Variants in GABBR2 observed in about 807,000 individuals in gnomAD.
GABBR2 encodes gamma-aminobutyric acid type B receptor subunit 2.
A neutral mutation model predicts 105.6 loss-of-function variants in GABBR2; 23 were observed. That is an observed-to-expected ratio of 0.22 (90% CI 0.16 to 0.31). The LOEUF (loss-of-function observed/expected upper bound fraction) is 0.31, where lower values mean the gene tolerates loss of function less well. GABBR2 is among the 10% of genes least tolerant of loss of function. The probability of loss-of-function intolerance (pLI) is 1.00; values close to 1 mark genes in which losing one functional copy is unlikely to be tolerated. For synonymous variants in GABBR2, 478 were observed against 499.7 expected (o/e 0.96, Z 0.58); for missense variants, 734 against 1,245.5 (o/e 0.59, Z 6.18).
chr9:98,495,078 A>T (rs1253709600), intron 4 of GABBR2, among the ~76,000 whole-genome samples: 1 of 152,192 alleles, frequency 6.6e-6, no homozygotes, highest in Non-Finnish European at 1.5e-5. Flanking sequence ...ACAGCCTGTG[A>T]CACTGCAGGG....
chr9:98,331,725 G>A (rs1459407939), intron 13 of GABBR2, among the ~76,000 whole-genome samples: 1 of 152,180 alleles, frequency 6.6e-6, no homozygotes, highest in African/African-American at 2.4e-5. Flanking sequence ...GACAGGCTGT[G>A]CTGAGCACCT....
rs1830698801 is a variant in GABBR2, at chr9:98,315,449, T to A, written c.1894-4244A>T. Among the ~76,000 whole-genome samples, 5 of 152,346 alleles carry A rather than the reference T, an allele frequency of 3.3e-5. No homozygotes were observed. In the South Asian group the frequency reaches 6.2e-4, roughly 19 times the overall value. ...GTTGGGATAGTTTTGGGAGTGATGATGTTCCTGTTCCTGTGAGGCTGGCAA... is the reference window on the plus strand; with the variant it reads ...GTTGGGATAGTTTTGGGAGTGATGAAGTTCCTGTTCCTGTGAGGCTGGCAA... On this transcript the variant is annotated intron_variant, in intron 13 of 18. Transcript: ENST00000259455.
chr9:98,501,373 C>T (rs1827397130), intron 3 of GABBR2, among the ~76,000 whole-genome samples: 1 of 152,170 alleles, frequency 6.6e-6, no homozygotes, highest in Admixed American at 6.5e-5. Flanking sequence ...CCATGTTGGC[C>T]AGGCTGGTTT....
At chr9:98,569,359 AT>A (rs1188669240) in intron 2 of GABBR2, among the ~76,000 whole-genome samples, 1 of 152,266 alleles carries the variant, frequency 6.6e-6, no homozygotes, top group East Asian at 1.9e-4. Context: ...AAGAGCCCCC[AT>A]TCCATCCCTG....
intron 4 of GABBR2, among the ~76,000 whole-genome samples, chr9:98,490,952 A>C (rs974919836): frequency 1.3e-4 from 20 of 151,818 alleles, no homozygotes; most frequent in African/African-American, 4.6e-4. Context: ...CATCTGCTAA[A>C]TCAGCCTTAT....
At chr9:98,666,339 T>A (rs1049749058) in intron 1 of GABBR2, among the ~76,000 whole-genome samples, 4 of 152,206 alleles carry the variant, frequency 2.6e-5, no homozygotes, top group Non-Finnish European at 5.9e-5. Flanking sequence ...GAGGTCGGAA[T>A]GGCTCCACTC....
chr9:98,430,595 C>T (rs1825789853), intron 7 of GABBR2, among the ~76,000 whole-genome samples: 1 of 152,170 alleles, frequency 6.6e-6, no homozygotes, highest in Non-Finnish European at 1.5e-5. Context: ...GGTTCTTTCC[C>T]TGGTCTCAAG....
chr9:98,593,799 C>T (rs1267651979), intron 1 of GABBR2, among the ~76,000 whole-genome samples: 4 of 152,172 alleles, frequency 2.6e-5, no homozygotes, highest in African/African-American at 9.7e-5. Context: ...ACCCCGTCAC[C>T]GTGGCCACAC....
chr9:98,390,375 C>CAAAAAAAAAAAAAAAA lies in GABBR2; in HGVS notation c.1379-1387_1379-1372dup, dbSNP rs61216428. ...GGTGACAGAGCAAGACTCCATCTCACAAAAAAAAAAAAAAAAAAAAAAAAA... is the reference window on the plus strand; with the variant it reads ...GGTGACAGAGCAAGACTCCATCTCACAAAAAAAAAAAAAAAAAAAAAAAAAAAAAAAAAAAAAAAAA... On this transcript the variant is annotated intron_variant, in intron 9 of 18. Coordinates refer to ENST00000259455, the MANE Select transcript of GABBR2 (RefSeq NM_005458.8). Among the ~76,000 whole-genome samples the CAAAAAAAAAAAAAAAA allele has an allele frequency of 1.0e-3, 34 of 32,430 alleles. 3 individuals carry two copies. The highest frequency in any genetic ancestry group is 2.9e-3 in the African/African-American group (29 of 9,942). The allele number at this position is 32,430 out of a possible 152,430, so 21.3% of individuals were successfully genotyped here. A position where few individuals can be genotyped will look rare whatever the true frequency, so the allele number is the denominator to read the frequency against.
intron 1 of GABBR2, among the ~76,000 whole-genome samples, chr9:98,673,058 G>C (rs1018919315): frequency 9.2e-5 from 14 of 152,144 alleles, no homozygotes; most frequent in Non-Finnish European, 1.3e-4. Flanking sequence ...AATGAAATAA[G>C]TGACCATAGC....
chr9:98,342,803 A>G (rs1323813909), intron 13 of GABBR2, among the ~76,000 whole-genome samples: 3 of 152,248 alleles, frequency 2.0e-5, no homozygotes, highest in Non-Finnish European at 4.4e-5. Context: ...TGGGTAGGGC[A>G]GACCCTGGTC....
At chr9:98,393,060 ATC>A (rs1564048327) in intron 9 of GABBR2, among the ~76,000 whole-genome samples, 1 of 144,094 alleles carries the variant, frequency 6.9e-6, no homozygotes, top group Non-Finnish European at 1.5e-5. Context: ...CCATCCATCC[ATC>A]CATCCATCCA....
At chr9:98,516,849 A>G (rs2779565) in intron 3 of GABBR2, among the ~76,000 whole-genome samples, 126,504 of 152,170 alleles carry the variant, frequency 0.83, 53,068 homozygotes, top group East Asian at 0.94. Flanking sequence ...ATGCATCTGC[A>G]TCTTCCCAGG....
rs540288985 is a variant in GABBR2, at chr9:98,590,069, T to A, written c.322-11997A>T. Among the ~76,000 whole-genome samples, 15 of 152,272 alleles carry A rather than the reference T, an allele frequency of 9.9e-5. No homozygotes were observed. The South Asian group carries it at 3.1e-3, about 32-fold the overall frequency. ...ATTCGCCTCTGTCCCCCTTTGCCTA[T>A]CAAAGAGTTTGGCCCCAAACAGGTG... On this transcript the variant is annotated intron_variant, in intron 1 of 18. Transcript: ENST00000259455.
intron 1 of GABBR2, among the ~76,000 whole-genome samples, chr9:98,631,096 T>C (rs886175366): frequency 1.3e-5 from 2 of 152,142 alleles, no homozygotes; most frequent in Non-Finnish European, 2.9e-5. Flanking sequence ...AAACTACCAG[T>C]GATACCCAAC....
intron 1 of GABBR2, among the ~76,000 whole-genome samples, chr9:98,622,462 G>A (rs747240217): frequency 1.3e-5 from 2 of 152,046 alleles, no homozygotes; most frequent in Non-Finnish European, 2.9e-5. Flanking sequence ...CTACCAAACA[G>A]AAACCCCCAG....
chr9:98,299,924 G>C (rs1830441892), intron 16 of GABBR2, among the ~76,000 whole-genome samples: 1 of 152,020 alleles, frequency 6.6e-6, no homozygotes, highest in African/African-American at 2.4e-5. Context: ...GTGCAGTGGT[G>C]CAATTATAGC....
intron 1 of GABBR2, among the ~76,000 whole-genome samples, chr9:98,596,663 A>T (rs988547334): frequency 3.3e-5 from 5 of 152,030 alleles, no homozygotes; most frequent in Non-Finnish European, 7.4e-5. Context: ...ATTTCTCACT[A>T]TTTTGGGCCA....
chr9:98,295,450 T>C (rs1830364894), intron 17 of GABBR2, among the ~76,000 whole-genome samples: 1 of 152,094 alleles, frequency 6.6e-6, no homozygotes, highest in African/African-American at 2.4e-5. Flanking sequence ...ATACATGAGT[T>C]AGATAAGCTT....
Sources: gnomAD v4.1 joint callset for allele counts (sites outside exome capture counted in the v4.1 genomes callset) on GRCh38, gnomAD v4.1.1 for gene constraint, MANE v1.5 for transcripts, NCBI Gene and HGNC (gene_info 2026-07-23, HGNC 2026-07-21) for gene names.